SLC25A24: variants seen among roughly 807,000 people sequenced by gnomAD.
SLC25A24 encodes solute carrier family 25 member 24.
Under a neutral mutation model 60.7 loss-of-function variants are expected in SLC25A24, and 49 were observed. That is an observed-to-expected ratio of 0.81 (90% CI 0.64 to 1.02). The LOEUF (loss-of-function observed/expected upper bound fraction) is 1.02. SLC25A24 is among the 50% of genes least tolerant of loss of function. SLC25A24 has a pLI of 0.00. For missense variants in SLC25A24, 564 were observed against 586.3 expected, an observed-to-expected ratio of 0.96 and a Z score of 0.39; for synonymous variants, 202 against 200.6, an observed-to-expected ratio of 1.01 and a Z score of -0.06.
chr1:108,144,025 A>T (rs1221562412), intron 7 of SLC25A24, among the ~76,000 whole-genome samples: 3 of 152,176 alleles, frequency 2.0e-5, no homozygotes, highest in African/African-American at 7.2e-5. Context: ...ATGGTAGTAT[A>T]AAGGATAACC....
At chr1:108,143,485 T>A (rs1440791413) in intron 8 of SLC25A24, 58 bp downstream of exon 8, 14 of 1,419,638 alleles carry the variant, frequency 9.9e-6, no homozygotes, top group African/African-American at 2.9e-5. Context: ...TCATATAAAG[T>A]CCAATTCTAA....
chr1:108,166,699 A>G (rs1373107314), intron 3 of SLC25A24, among the ~76,000 whole-genome samples: 1 of 151,342 alleles, frequency 6.6e-6, no homozygotes, highest in Non-Finnish European at 1.5e-5. Flanking sequence ...ATTCTTCTAC[A>G]TTTTTTTCAA....
rs985946093 is a variant in SLC25A24 at position 108,192,021 on chromosome 1, G to A, written c.184-6067C>T. 3.3e-4 allele frequency among the ~76,000 whole-genome samples: 46 copies of A among 138,502 alleles called. 10 individuals are homozygous for A. The highest frequency in any genetic ancestry group is 8.2e-4 in the Admixed American group (10 of 12,184). 90.9% of individuals were successfully genotyped at this position (138,502 alleles called of 152,430 possible). A position where few individuals can be genotyped will look rare whatever the true frequency, so the allele number is the denominator to read the frequency against. ...ATTATGAGGAAACCTCAGCACTAGT[G>A]AAACCCGAGAGTAAAAGCCACTTCC... On this transcript the variant is annotated intron_variant, in intron 1 of 9. Coordinates refer to ENST00000565488, the MANE Select transcript of SLC25A24 (RefSeq NM_013386.5).
intron 4 of SLC25A24, among the ~76,000 whole-genome samples, chr1:108,158,805 T>C (rs546235866): frequency 6.3e-4 from 95 of 150,774 alleles, no homozygotes; most frequent in African/African-American, 2.2e-3. Flanking sequence ...ATCGAGACCA[T>C]CCTGGCTAAC....
At chr1:108,195,105 A>C (rs1198336391) in intron 1 of SLC25A24, among the ~76,000 whole-genome samples, 2 of 152,262 alleles carry the variant, frequency 1.3e-5, no homozygotes, top group African/African-American at 4.8e-5. Context: ...AATCCTTAAA[A>C]AGATAAGATT....
At chr1:108,151,373 C>T (rs1246085645) in intron 6 of SLC25A24, among the ~76,000 whole-genome samples, 1 of 152,196 alleles carries the variant, frequency 6.6e-6, no homozygotes, top group Non-Finnish European at 1.5e-5. Flanking sequence ...CTCCCATTCA[C>T]TTTAAGCTCA....
At chr1:108,152,027 A>T (rs1038328417) in intron 6 of SLC25A24, among the ~76,000 whole-genome samples, 14 of 152,104 alleles carry the variant, frequency 9.2e-5, no homozygotes, top group Admixed American at 2.6e-4. Flanking sequence ...TTATTTAAAT[A>T]TTCTCCCTGC....
intron 1 of SLC25A24, among the ~76,000 whole-genome samples, chr1:108,187,927 G>GATATATATATATAGATATATATATAT (rs1553256782): frequency 7.3e-5 from 7 of 95,746 alleles, no homozygotes; most frequent in African/African-American, 2.5e-4. Flanking sequence ...AGACATTATA[G>GATATATATATATAGATATATATATAT]ATATATATAT....
At chr1:108,154,428 C>T (rs990337077) in intron 6 of SLC25A24, among the ~76,000 whole-genome samples, 2 of 152,078 alleles carry the variant, frequency 1.3e-5, no homozygotes, top group African/African-American at 2.4e-5. Flanking sequence ...TAACAAAAGC[C>T]GACAGAGAAG....
chr1:108,195,925 A>G (rs985869051), intron 1 of SLC25A24, among the ~76,000 whole-genome samples: 2 of 151,726 alleles, frequency 1.3e-5, no homozygotes, highest in Non-Finnish European at 2.9e-5. Context: ...GCTTGAATCC[A>G]GGAAGCAGAG....
Position 108,163,091 on chromosome 1 carries a change from G to C in SLC25A24, c.399-1798C>G, listed in dbSNP as rs1236815344. Among the ~76,000 whole-genome samples the C allele has an allele frequency of 8.3e-5, 11 of 132,102 alleles. No homozygotes were observed. The East Asian group carries it at 2.4e-3, about 29-fold the overall frequency. The allele number at this position is 132,102 out of a possible 152,430, so 86.7% of individuals were successfully genotyped here. ...GCTTGTTTTTCTCAGGTTTGTCAAA[G>C]ATCAGATAGTTGTAGATATGCGGCG... On this transcript the variant is annotated intron_variant, in intron 3 of 9. Transcript: ENST00000565488.
intron 4 of SLC25A24, among the ~76,000 whole-genome samples, chr1:108,159,917 T>A (rs1680010886): frequency 6.6e-6 from 1 of 151,170 alleles, no homozygotes. Context: ...TCCCCACCTT[T>A]CCCCTTTTTC....
At chr1:108,143,521 C>A (rs1679503409) in intron 8 of SLC25A24, 22 bp downstream of exon 8, 1 of 1,589,358 alleles carries the variant, frequency 6.3e-7, no homozygotes. Flanking sequence ...TTTTCCAATT[C>A]AAAAGATTTC....
intron 3 of SLC25A24, among the ~76,000 whole-genome samples, chr1:108,167,470 C>T (rs1647231250): frequency 6.6e-6 from 1 of 152,228 alleles, no homozygotes; most frequent in Admixed American, 6.5e-5. Context: ...CCCTCCGAGC[C>T]AGGTGCAGGA....
chr1:108,184,347 G>A (rs1442210527), intron 2 of SLC25A24, among the ~76,000 whole-genome samples: 1 of 152,158 alleles, frequency 6.6e-6, no homozygotes, highest in African/African-American at 2.4e-5. Context: ...GGTCGATGTT[G>A]GAATGAAAGT....
At chr1:108,147,498 A>T (rs905547674) in intron 7 of SLC25A24, among the ~76,000 whole-genome samples, 22 of 151,860 alleles carry the variant, frequency 1.4e-4, no homozygotes, top group Non-Finnish European at 2.5e-4. Flanking sequence ...TTTAATTGTG[A>T]TCTTAGGGTG....
At chr1:108,137,059 C>T (rs1246103717) in intron 9 of SLC25A24, among the ~76,000 whole-genome samples, 1 of 152,080 alleles carries the variant, frequency 6.6e-6, no homozygotes, top group Non-Finnish European at 1.5e-5. Flanking sequence ...TTATTAATTA[C>T]TATGTTCTAA....
intron 3 of SLC25A24, among the ~76,000 whole-genome samples, chr1:108,169,546 G>A (rs565455865): frequency 6.6e-6 from 1 of 152,120 alleles, no homozygotes; most frequent in Non-Finnish European, 1.5e-5. Context: ...ATAAGTCATA[G>A]GTATCTTGGC....
chr1:108,196,551 A>G (rs1453291730), intron 1 of SLC25A24, among the ~76,000 whole-genome samples: 3 of 152,214 alleles, frequency 2.0e-5, no homozygotes, highest in Non-Finnish European at 4.4e-5. Context: ...TGCTCTTGAT[A>G]ATTGTCCTAG....
Sources: allele counts gnomAD v4.1 joint callset (sites outside exome capture counted in the v4.1 genomes callset), GRCh38; gene constraint gnomAD v4.1.1; transcripts MANE v1.5; gene names NCBI Gene and HGNC (gene_info 2026-07-23, HGNC 2026-07-21).